PCDHA3: variants seen among roughly 807,000 people sequenced by gnomAD.
The protein encoded by PCDHA3 is protocadherin alpha-3.
A neutral mutation model predicts 62.2 loss-of-function variants in PCDHA3; 41 were observed. The observed-to-expected ratio is 0.66, with a 90% CI of 0.51 to 0.86. The LOEUF (loss-of-function observed/expected upper bound fraction) is 0.86. Ranked by LOEUF, PCDHA3 falls within the 40% of genes least tolerant of loss-of-function variation. The pLI is 0.00. For missense variants in PCDHA3, 1,304 were observed against 1,241.2 expected (o/e 1.05, Z -0.76); for synonymous variants, 640 against 555.4 (o/e 1.15, Z -2.14).
chr5:140,950,671 A>G (rs1222424193), intron 1 of PCDHA3, among the ~76,000 whole-genome samples: 2 of 152,074 alleles, frequency 1.3e-5, no homozygotes, highest in Non-Finnish European at 2.9e-5. Context: ...TCAAACATGT[A>G]CATGTATATT....
At chr5:141,007,019 A>G (rs1230035062) in intron 3 of PCDHA3, among the ~76,000 whole-genome samples, 1 of 152,192 alleles carries the variant, frequency 6.6e-6, no homozygotes, top group African/African-American at 2.4e-5. Flanking sequence ...CAGCTTATTC[A>G]TATGGTATTT....
intron 1 of PCDHA3, chr5:140,828,196 A>C (rs200011304): frequency 1.8e-4 from 283 of 1,613,856 alleles, no homozygotes; most frequent in East Asian, 4.2e-4. Context: ...ACTACTCCGT[A>C]CCCGAGGAGG....
intron 2 of PCDHA3, among the ~76,000 whole-genome samples, chr5:140,979,425 A>G (rs1009935948): frequency 2.0e-5 from 3 of 151,814 alleles, no homozygotes; most frequent in African/African-American, 7.3e-5. Context: ...TTTTAATCTC[A>G]CATTGGCTAT....
chr5:140,982,413 G>A, intron 2 of PCDHA3, 62 bp from the exon 3 acceptor site: 2 of 1,609,608 alleles, frequency 1.2e-6, no homozygotes, highest in Non-Finnish European at 1.7e-6. Flanking sequence ...TTCTGAGGGT[G>A]GAAGAAGAGA....
At position 140,883,606 on chromosome 5, in the gene PCDHA3, C is replaced by G; in HGVS notation, c.2394+80015C>G. 3 of 1,613,944 alleles carry G rather than the reference C, an allele frequency of 1.9e-6. No homozygotes were observed. In the African/African-American group the frequency reaches 4.0e-5, roughly 22 times the overall value. On this transcript the variant is annotated intron_variant, in intron 1 of 3. Coordinates refer to ENST00000522353, the MANE Select transcript of PCDHA3 (RefSeq NM_018906.3). ...CGGCCAGCGTGTCGGTGGGGGTGGC[C>G]GACGTGAACGACAACGCGCCGGCGT...
chr5:140,937,317 G>C (rs1282380622), intron 1 of PCDHA3, among the ~76,000 whole-genome samples: 1 of 152,048 alleles, frequency 6.6e-6, no homozygotes, highest in Non-Finnish European at 1.5e-5. Context: ...GATTACAGGC[G>C]TGAGCCACCG....
intron 1 of PCDHA3, among the ~76,000 whole-genome samples, chr5:140,909,668 CA>C (rs1554193872): frequency 6.6e-6 from 1 of 152,162 alleles, no homozygotes; most frequent in Non-Finnish European, 1.5e-5. Context: ...CTCACTCTAC[CA>C]GTCAGGGAGC....
At chr5:140,870,015 T>C (rs367677663) in intron 1 of PCDHA3, 5 of 1,613,476 alleles carry the variant, frequency 3.1e-6, no homozygotes, top group Admixed American at 1.7e-5. Context: ...TGAGGGTCAA[T>C]GGAACTTTAG....
At chr5:140,882,327 T>C in intron 1 of PCDHA3, 1 of 1,614,172 alleles carries the variant, frequency 6.2e-7, no homozygotes, top group Non-Finnish European at 8.5e-7. Flanking sequence ...TGGCTTCTGA[T>C]CCTCGCAGCC....
At chr5:140,931,793 A>C (rs979670484) in intron 1 of PCDHA3, among the ~76,000 whole-genome samples, 33 of 151,972 alleles carry the variant, frequency 2.2e-4, no homozygotes, top group African/African-American at 7.7e-4. Context: ...TATTGATCTG[A>C]TCTTAATTCT....
intron 2 of PCDHA3, among the ~76,000 whole-genome samples, chr5:140,981,776 A>T (rs908868836): frequency 2.4e-4 from 36 of 151,980 alleles, no homozygotes; most frequent in African/African-American, 8.0e-4. Context: ...TGAATACTGC[A>T]CCATGTTCTC....
At chr5:140,849,937 A>T (rs1554143515) in intron 1 of PCDHA3, 3 of 1,598,056 alleles carry the variant, frequency 1.9e-6, no homozygotes, top group Non-Finnish European at 2.6e-6. Flanking sequence ...TCTGCGCGGG[A>T]CGCTGACGCG....
chr5:140,875,687 G>T, intron 1 of PCDHA3: 10 of 1,614,012 alleles, frequency 6.2e-6, no homozygotes, highest in Non-Finnish European at 8.5e-6. Context: ...AAAAGACACG[G>T]GGACCTTCTG....
chr5:140,968,553 G>C (rs782583876), intron 1 of PCDHA3: 4 of 1,614,132 alleles, frequency 2.5e-6, no homozygotes, highest in South Asian at 1.1e-5. Context: ...ATGGTGCCTC[G>C]AACTGCCCCT....
intron 1 of PCDHA3, among the ~76,000 whole-genome samples, chr5:140,921,386 A>C (rs2080192825): frequency 6.6e-6 from 1 of 152,156 alleles, no homozygotes; most frequent in African/African-American, 2.4e-5. Flanking sequence ...ATATTTGATA[A>C]ACATTCACAC....
chr5:140,941,578 G>A (rs1007298745), intron 1 of PCDHA3, among the ~76,000 whole-genome samples: 3 of 151,774 alleles, frequency 2.0e-5, no homozygotes, highest in Non-Finnish European at 4.4e-5. Context: ...GCCTCCCAAA[G>A]TGCTGGGATT....
intron 1 of PCDHA3, chr5:140,966,488 C>T: frequency 2.3e-6 from 1 of 440,248 alleles, no homozygotes; most frequent in Non-Finnish European, 3.9e-6. Flanking sequence ...TTTCCCTCCC[C>T]CTGGAGCTGT....
chr5:140,927,265 C>G lies in PCDHA3; in HGVS notation c.2395-51684C>G, dbSNP rs2084026948. The G allele has an allele frequency of 6.2e-7, 1 of 1,614,168 alleles. No individual in the cohort carries two copies. Among genetic ancestry groups the G allele is most frequent in the Non-Finnish European group, 8.5e-7 (1 of 1,180,038 alleles). On this transcript the variant is annotated intron_variant, in intron 1 of 3. Coordinates refer to ENST00000522353, the MANE Select transcript of PCDHA3 (RefSeq NM_018906.3). ...CACCAATGACAACTCACCTCTCTTTCCTGCCGGCGACGTGCAGCTGCACAT... is the reference window on the plus strand; with the variant it reads ...CACCAATGACAACTCACCTCTCTTTGCTGCCGGCGACGTGCAGCTGCACAT...
intron 1 of PCDHA3, chr5:140,875,507 A>G: frequency 6.2e-7 from 1 of 1,613,674 alleles, no homozygotes. Context: ...CCGGGATCCC[A>G]GCGTCTGCTG....
Sources: allele counts gnomAD v4.1 joint callset (sites outside exome capture counted in the v4.1 genomes callset), GRCh38; gene constraint gnomAD v4.1.1; transcripts MANE v1.5; gene names NCBI Gene and HGNC (gene_info 2026-07-23, HGNC 2026-07-21).